Variants in JAKMIP2 observed in about 807,000 individuals in gnomAD.
JAKMIP2 encodes the protein janus kinase and microtubule-interacting protein 2.
A neutral mutation model predicts 115.0 loss-of-function variants in JAKMIP2; 25 were observed. That is an observed-to-expected ratio of 0.22 (90% CI 0.16 to 0.30). JAKMIP2 has a LOEUF of 0.30. JAKMIP2 is among the 10% of genes least tolerant of loss of function. The pLI is 1.00. For missense variants in JAKMIP2, 642 were observed against 957.6 expected, an observed-to-expected ratio of 0.67 and a Z score of 4.35; for synonymous variants, 334 against 343.6, an observed-to-expected ratio of 0.97 and a Z score of 0.31.
intron 20 of JAKMIP2, among the ~76,000 whole-genome samples, chr5:147,607,179 T>A (rs1444551172): frequency 5.3e-5 from 8 of 152,160 alleles, no homozygotes; most frequent in Admixed American, 1.3e-4. Context: ...TTCTCTTGTC[T>A]GATTATACTG....
intron 17 of JAKMIP2, 149 bp downstream of exon 17, chr5:147,623,472 A>C (rs1756947910): frequency 6.2e-6 from 3 of 487,786 alleles, no homozygotes; most frequent in Non-Finnish European, 1.1e-5. Context: ...TACTTCTGGT[A>C]ATTTTTTTTC....
At chr5:147,619,088 CT>C (rs1045397995) in intron 18 of JAKMIP2, among the ~76,000 whole-genome samples, 9 of 152,072 alleles carry the variant, frequency 5.9e-5, no homozygotes, top group African/African-American at 1.7e-4. Context: ...CTTTTTCTTT[CT>C]TTTTTTGATA....
chr5:147,694,908 T>A (rs1189683316), intron 1 of JAKMIP2, among the ~76,000 whole-genome samples: 1 of 152,230 alleles, frequency 6.6e-6, no homozygotes, highest in African/African-American at 2.4e-5. Context: ...TCAGAGCTTA[T>A]CAAATTGTGA....
At chr5:147,747,704 T>A (rs1754396455) in intron 1 of JAKMIP2, among the ~76,000 whole-genome samples, 5 of 152,176 alleles carry the variant, frequency 3.3e-5, no homozygotes, top group Admixed American at 3.3e-4. Flanking sequence ...TTCCATACAT[T>A]TTATTTAAAC....
rs1443707314 is a variant in JAKMIP2 at position 147,590,431 on chromosome 5, A to T, written c.*1276T>A. The T allele has an allele frequency of 6.6e-6, 1 of 152,224 alleles. No homozygotes were observed. Among genetic ancestry groups the T allele is most frequent in the Non-Finnish European group, 1.5e-5 (1 of 68,040 alleles). The allele number at this position is 152,224 out of a possible 1,614,324, so 9.4% of individuals were successfully genotyped here. Reference sequence around the variant, plus strand: ...AGTCCTCTAATTGTCTCTGGTAGAAAATGACCTTGTCAGTAACATAATGTT... The same window carrying T: ...AGTCCTCTAATTGTCTCTGGTAGAATATGACCTTGTCAGTAACATAATGTT... On this transcript the variant is annotated 3_prime_UTR_variant, in exon 22 of 22. Transcript: ENST00000616793.
At chr5:147,725,998 G>C (rs1243666456) in intron 1 of JAKMIP2, among the ~76,000 whole-genome samples, 1 of 152,100 alleles carries the variant, frequency 6.6e-6, no homozygotes, top group Non-Finnish European at 1.5e-5. Flanking sequence ...CTGAACTTTT[G>C]ATTCAGTGTT....
chr5:147,769,584 C>T lies in JAKMIP2; in HGVS notation c.-149+12872G>A, dbSNP rs1283278920. Among the ~76,000 whole-genome samples the T allele has an allele frequency of 2.0e-5, 3 of 152,020 alleles. No homozygotes were observed. In the East Asian group the frequency reaches 5.8e-4, roughly 29 times the overall value. The stretch of plus-strand genomic sequence containing the variant: ...TAATGAAAATAGGATGCTGAATATC[C>T]CAGTGACAATTGAAATTTTTAGTTT... On this transcript the variant is annotated intron_variant, in intron 1 of 21. Coordinates refer to ENST00000616793, the MANE Select transcript of JAKMIP2 (RefSeq NM_001270941.2).
At chr5:147,713,050 A>G (rs1412218223) in intron 1 of JAKMIP2, among the ~76,000 whole-genome samples, 1 of 152,198 alleles carries the variant, frequency 6.6e-6, no homozygotes, top group Non-Finnish European at 1.5e-5. Flanking sequence ...AACCTCCATA[A>G]ATAAGCCACA....
At chr5:147,623,224 C>CTTTTTTTTTTTTTTT (rs199676287) in intron 17 of JAKMIP2, among the ~76,000 whole-genome samples, 2 of 138,740 alleles carry the variant, frequency 1.4e-5, no homozygotes, top group East Asian at 2.1e-4. Flanking sequence ...TTGTTCTACT[C>CTTTTTTTTTTTTTTT]TTTTTTTTTT....
chr5:147,621,928 C>T (rs1029200001), intron 17 of JAKMIP2, among the ~76,000 whole-genome samples: 18 of 152,174 alleles, frequency 1.2e-4, no homozygotes, highest in African/African-American at 2.7e-4. Context: ...AGTGCAATGG[C>T]GCGATCTCGG....
intron 1 of JAKMIP2, among the ~76,000 whole-genome samples, chr5:147,685,226 C>T (rs1407304274): frequency 6.6e-6 from 1 of 152,076 alleles, no homozygotes; most frequent in Non-Finnish European, 1.5e-5. Flanking sequence ...ATAATGTGCT[C>T]ATTACTAGGC....
chr5:147,755,076 G>A (rs375953099), intron 1 of JAKMIP2, among the ~76,000 whole-genome samples: 1 of 152,118 alleles, frequency 6.6e-6, no homozygotes, highest in Non-Finnish European at 1.5e-5. Context: ...GGACTTTTGG[G>A]ATGCTTGTAA....
intron 21 of JAKMIP2, among the ~76,000 whole-genome samples, chr5:147,597,454 T>C (rs1313644484): frequency 6.6e-6 from 1 of 152,180 alleles, no homozygotes; most frequent in East Asian, 1.9e-4. Flanking sequence ...TATATACATA[T>C]ATCTCCAAAT....
intron 1 of JAKMIP2, among the ~76,000 whole-genome samples, chr5:147,704,301 T>C (rs1454844727): frequency 6.6e-6 from 1 of 152,190 alleles, no homozygotes; most frequent in African/African-American, 2.4e-5. Context: ...TTTACAGCAG[T>C]AATACCACAA....
chr5:147,771,193 C>T (rs1242163347), intron 1 of JAKMIP2, among the ~76,000 whole-genome samples: 1 of 152,072 alleles, frequency 6.6e-6, no homozygotes, highest in South Asian at 2.1e-4. Context: ...TTGTTAAGAG[C>T]AACTTTGCAG....
chr5:147,594,888 T>C (rs1447311006), intron 21 of JAKMIP2, among the ~76,000 whole-genome samples: 1 of 152,088 alleles, frequency 6.6e-6, no homozygotes, highest in Non-Finnish European at 1.5e-5. Context: ...AAAATCCTGG[T>C]AGGGAAGACA....
chr5:147,641,648 C>T, intron 8 of JAKMIP2, 60 bp downstream of exon 8: 1 of 1,219,866 alleles, frequency 8.2e-7, no homozygotes, highest in Non-Finnish European at 1.2e-6. Context: ...AGATTCCATG[C>T]CAAGCCTCAT....
intron 1 of JAKMIP2, among the ~76,000 whole-genome samples, chr5:147,720,836 T>C (rs1753244008): frequency 6.6e-6 from 1 of 152,178 alleles, no homozygotes; most frequent in Admixed American, 6.5e-5. Context: ...TCTGAAGCCT[T>C]CTTCTCTCAG....
chr5:147,683,098 G>A (rs1003143709), intron 1 of JAKMIP2, among the ~76,000 whole-genome samples: 2 of 152,266 alleles, frequency 1.3e-5, no homozygotes, highest in East Asian at 1.9e-4. Flanking sequence ...CAAACAGAGC[G>A]GGAAGCAATT....
Sources: gnomAD v4.1 joint callset for allele counts (sites outside exome capture counted in the v4.1 genomes callset) on GRCh38, gnomAD v4.1.1 for gene constraint, MANE v1.5 for transcripts, NCBI Gene and HGNC (gene_info 2026-07-23, HGNC 2026-07-21) for gene names.